Variants in TAF1B observed in about 807,000 individuals in gnomAD.
TAF1B encodes the protein TATA box-binding protein-associated factor RNA polymerase I subunit B.
TAF1B carries 61 observed loss-of-function variants against 83.9 expected under a neutral mutation model. The ratio of observed to expected loss-of-function variants is 0.73; its 90% confidence interval spans 0.59 to 0.90. The LOEUF (loss-of-function observed/expected upper bound fraction) is 0.90, where lower values mean the gene tolerates loss of function less well. TAF1B is among the 40% of genes least tolerant of loss of function. The pLI, the probability that TAF1B is intolerant of heterozygous loss-of-function variation, is 0.00. For missense variants in TAF1B, 625 were observed against 677.0 expected, an observed-to-expected ratio of 0.92 and a Z score of 0.85; for synonymous variants, 221 against 224.6, an observed-to-expected ratio of 0.98 and a Z score of 0.14.
intron 14 of TAF1B, among the ~76,000 whole-genome samples, chr2:9,931,543 A>T (rs1290141763): frequency 6.6e-6 from 1 of 152,200 alleles, no homozygotes; most frequent in African/African-American, 2.4e-5. Context: ...ATCAGCTGTT[A>T]GTCTGATGGG....
At chr2:9,854,252 C>T in intron 4 of TAF1B, 74 bp from the exon 5 acceptor site, 1 of 959,418 alleles carries the variant, frequency 1.0e-6, no homozygotes, top group Non-Finnish European at 1.7e-6. Context: ...TACAAGAGAG[C>T]TGTGGTGTAG....
At chr2:9,921,942 A>G (rs1375530557) in intron 14 of TAF1B, among the ~76,000 whole-genome samples, 1 of 152,230 alleles carries the variant, frequency 6.6e-6, no homozygotes, top group Admixed American at 6.5e-5. Context: ...TGTTAAAAAT[A>G]AAAAGACTAG....
intron 8 of TAF1B, among the ~76,000 whole-genome samples, chr2:9,901,902 C>T (rs920511123): frequency 3.3e-5 from 5 of 151,506 alleles, no homozygotes; most frequent in Admixed American, 2.0e-4. Flanking sequence ...AAAAAAAAAA[C>T]TTAAAATGCC....
chr2:9,872,185 G>A (rs1354923358), intron 6 of TAF1B, among the ~76,000 whole-genome samples: 1 of 152,122 alleles, frequency 6.6e-6, no homozygotes, highest in Non-Finnish European at 1.5e-5. Flanking sequence ...AATTAGATGG[G>A]TGTGGTGGCG....
At chr2:9,846,407 A>G (rs1456840187) in intron 2 of TAF1B, among the ~76,000 whole-genome samples, 1 of 152,220 alleles carries the variant, frequency 6.6e-6, no homozygotes, top group East Asian at 1.9e-4. Flanking sequence ...GACTCTCCTC[A>G]GTGGAAAAGG....
chr2:9,870,231 T>C lies in TAF1B; in HGVS notation c.553+1802T>C, dbSNP rs528447705. Among the ~76,000 whole-genome samples the C allele has an allele frequency of 8.3e-4, 126 of 152,324 alleles. 4 individuals are homozygous for C. The South Asian group carries it at 0.026, about 31-fold the overall frequency. On this transcript the variant is annotated intron_variant, in intron 6 of 14. Coordinates refer to ENST00000263663, the MANE Select transcript of TAF1B (RefSeq NM_005680.3). ...AGTCACGGCAGTGGACTACACCTAT[T>C]GTAATCCCAGCATTTTGGGAGGCCA...
At chr2:9,928,082 G>A (rs186432504) in intron 14 of TAF1B, among the ~76,000 whole-genome samples, 2 of 152,244 alleles carry the variant, frequency 1.3e-5, no homozygotes, top group Admixed American at 1.3e-4. Flanking sequence ...TTCTACATAT[G>A]GCTAGCCAGT....
chr2:9,862,250 A>T (rs1188110102), intron 5 of TAF1B, among the ~76,000 whole-genome samples: 1 of 152,248 alleles, frequency 6.6e-6, no homozygotes, highest in Non-Finnish European at 1.5e-5. Context: ...AAGTCCTTAA[A>T]GGACCTGATG....
At chr2:9,887,063 CA>C (rs34619491) in intron 8 of TAF1B, among the ~76,000 whole-genome samples, 41,986 of 145,298 alleles carry the variant, frequency 0.29, 6,780 homozygotes, top group Middle Eastern at 0.4. Flanking sequence ...GACTCTGTCT[CA>C]AAAAAAAAAA....
intron 6 of TAF1B, among the ~76,000 whole-genome samples, chr2:9,873,036 A>G (rs1286324550): frequency 6.6e-6 from 1 of 152,166 alleles, no homozygotes; most frequent in African/African-American, 2.4e-5. Flanking sequence ...AAATTTTTAT[A>G]TTATAAACAG....
In TAF1B at chr2:9,933,338, C is replaced by T. The variant is rs79515502; in HGVS notation, c.1566-445C>T. Among the ~76,000 whole-genome samples, 872 of 152,352 alleles carry T rather than the reference C, an allele frequency of 5.7e-3. 8 individuals carry two copies. The highest frequency in any genetic ancestry group is 0.02 in the African/African-American group (843 of 41,584). ...AATGGAAATTGCTTGGTAAACTCTTCTCTCACAATACATATAGTATTGCAA... is the reference window on the plus strand; with the variant it reads ...AATGGAAATTGCTTGGTAAACTCTTTTCTCACAATACATATAGTATTGCAA... On this transcript the variant is annotated intron_variant, in intron 14 of 14. Transcript: ENST00000263663.
At chr2:9,890,591 C>T (rs1206621813) in intron 8 of TAF1B, among the ~76,000 whole-genome samples, 1 of 151,886 alleles carries the variant, frequency 6.6e-6, no homozygotes, top group Admixed American at 6.6e-5. Flanking sequence ...TTTTGTTGAT[C>T]TATTTTTTTT....
intron 14 of TAF1B, among the ~76,000 whole-genome samples, chr2:9,930,044 T>C (rs1666164913): frequency 6.6e-6 from 1 of 152,200 alleles, no homozygotes; most frequent in South Asian, 2.1e-4. Flanking sequence ...CCCTTTATCA[T>C]TGCATCTATT....
chr2:9,915,426 T>C (rs2884175), intron 12 of TAF1B, among the ~76,000 whole-genome samples: 57,816 of 152,040 alleles, frequency 0.38, 11,342 homozygotes, highest in East Asian at 0.53. Flanking sequence ...ATCTAGAGTA[T>C]ATAAAGAATT....
intron 14 of TAF1B, among the ~76,000 whole-genome samples, chr2:9,923,377 G>A (rs1016626745): frequency 6.7e-6 from 1 of 149,316 alleles, no homozygotes; most frequent in African/African-American, 2.4e-5. Flanking sequence ...CATCTACAAC[G>A]ATTAAAGAGT....
intron 8 of TAF1B, among the ~76,000 whole-genome samples, chr2:9,883,201 A>G (rs1461375358): frequency 3.3e-5 from 5 of 152,246 alleles, no homozygotes; most frequent in Admixed American, 3.3e-4. Flanking sequence ...TTCTAAAGGT[A>G]CTATTTTAAG....
rs150678685 is a variant in TAF1B, at chr2:9,910,909, G to T, written c.1129G>T (p.Glu377Ter). The change falls in exon 10 of 15, where the codon GAG becomes TAG. Residue 377 changes from glutamate (E) to a stop codon, truncating the protein, a stop_gained. Coordinates refer to ENST00000263663, the MANE Select transcript of TAF1B (RefSeq NM_005680.3). LOFTEE classifies it high-confidence loss of function. ...KLLFLLDDSF[E>*]WSLSNLAEKH... ...GCTCTTTCTATTGGATGACAGTTTC[G>T]AGTGGTAAGTGTACGTCAATTTTAT... 1.2e-6 allele frequency: 2 copies of T among 1,609,338 alleles called. No homozygotes were observed. Among genetic ancestry groups the T allele is most frequent in the Admixed American group, 1.7e-5 (1 of 59,072 alleles).
intron 8 of TAF1B, among the ~76,000 whole-genome samples, chr2:9,899,376 A>G (rs1203337831): frequency 6.6e-6 from 1 of 152,226 alleles, no homozygotes; most frequent in Non-Finnish European, 1.5e-5. Context: ...ATAATATTCT[A>G]TGATATATAT....
chr2:9,878,790 A>T lies in TAF1B; in HGVS notation c.707+2772A>T, dbSNP rs908177478. ...AAGACCAGAGGAGGAAAAAACAAAC[A>T]CATACATATGGTTGGTGCAAAGGTC... On this transcript the variant is annotated intron_variant, in intron 7 of 14. Transcript: ENST00000263663. 7.2e-5 allele frequency among the ~76,000 whole-genome samples: 11 copies of T among 152,344 alleles called. No individual in the cohort carries two copies. In the East Asian group the frequency reaches 1.7e-3, roughly 24 times the overall value.
Sources: gnomAD v4.1 joint callset for allele counts (sites outside exome capture counted in the v4.1 genomes callset) on GRCh38, gnomAD v4.1.1 for gene constraint, MANE v1.5 for transcripts, NCBI Gene and HGNC (gene_info 2026-07-23, HGNC 2026-07-21) for gene names.